The following CACNA2D1 variants were observed in gnomAD, a reference collection of about 807,000 sequenced individuals.
CACNA2D1 encodes the protein calcium voltage-gated channel auxiliary subunit alpha2delta 1.
CACNA2D1 carries 53 observed loss-of-function variants against 171.5 expected under a neutral mutation model. The ratio of observed to expected loss-of-function variants is 0.31; its 90% CI spans 0.25 to 0.39. CACNA2D1 has a LOEUF of 0.39. Ranked by LOEUF, CACNA2D1 falls within the 10% of genes least tolerant of loss-of-function variation. The pLI, the probability that CACNA2D1 is intolerant of heterozygous loss-of-function variation, is 1.00. For synonymous variants in CACNA2D1, 442 were observed against 443.1 expected (o/e 1.00, Z 0.03); for missense variants, 903 against 1,299.8 (o/e 0.69, Z 4.69).
intron 3 of CACNA2D1, among the ~76,000 whole-genome samples, chr7:82,244,529 A>G (rs1290947135): frequency 6.6e-6 from 1 of 152,152 alleles, no homozygotes; most frequent in East Asian, 1.9e-4. Flanking sequence ...TCAACTAATA[A>G]CTTCTAAGAG....
At chr7:82,162,776 A>C (rs950398271) in intron 4 of CACNA2D1, among the ~76,000 whole-genome samples, 2 of 151,872 alleles carry the variant, frequency 1.3e-5, no homozygotes, top group African/African-American at 2.4e-5. Flanking sequence ...GACAAATATT[A>C]TCTCTCCATT....
At chr7:82,401,266 T>C (rs1204358187) in intron 1 of CACNA2D1, among the ~76,000 whole-genome samples, 16 of 152,074 alleles carry the variant, frequency 1.1e-4, no homozygotes, top group African/African-American at 2.7e-4. Context: ...CGTATGTTTA[T>C]TGCAGCACTA....
At chr7:82,194,597 G>A (rs1405365786) in intron 3 of CACNA2D1, among the ~76,000 whole-genome samples, 1 of 150,978 alleles carries the variant, frequency 6.6e-6, no homozygotes, top group Non-Finnish European at 1.5e-5. Flanking sequence ...GAGAAGAGAG[G>A]GCAAACAATA....
chr7:81,966,397 A>G (rs1220491066), intron 31 of CACNA2D1, among the ~76,000 whole-genome samples: 2 of 151,606 alleles, frequency 1.3e-5, no homozygotes, highest in Non-Finnish European at 3.0e-5. Flanking sequence ...TGCTCTTAAA[A>G]CAGCTACTGC....
intron 3 of CACNA2D1, among the ~76,000 whole-genome samples, chr7:82,260,888 C>T (rs1003917433): frequency 1.3e-4 from 19 of 151,808 alleles, no homozygotes; most frequent in African/African-American, 3.9e-4. Context: ...ATATATCCAA[C>T]GGTTTAATGA....
intron 24 of CACNA2D1, among the ~76,000 whole-genome samples, chr7:81,978,340 C>A (rs958338542): frequency 1.3e-5 from 2 of 152,044 alleles, no homozygotes; most frequent in Admixed American, 1.3e-4. Context: ...AACCCAAATG[C>A]TGATCAATGA....
rs528253731 is a variant in CACNA2D1, at chr7:82,344,653, AC to A, written c.177+4914del. Among the ~76,000 whole-genome samples, 192 of 152,252 alleles carry A rather than the reference AC, an allele frequency of 1.3e-3. 2 individuals carry two copies. Among genetic ancestry groups the A allele is most frequent in the African/African-American group, 4.5e-3 (189 of 41,554 alleles). On this transcript the variant is annotated intron_variant, in intron 2 of 38. Transcript: ENST00000356860. ...AGGGGGAGGATGATGGTGAAGGGAA[AC>A]CATACTCTCTGCATTCTTTATAGTG...
At chr7:82,234,664 A>G (rs1803337533) in intron 3 of CACNA2D1, among the ~76,000 whole-genome samples, 1 of 152,172 alleles carries the variant, frequency 6.6e-6, no homozygotes, top group Non-Finnish European at 1.5e-5. Flanking sequence ...TCTTCTTTGA[A>G]TTGTTTAAGC....
chr7:82,419,397 T>C (rs1828502949), intron 1 of CACNA2D1, among the ~76,000 whole-genome samples: 1 of 152,182 alleles, frequency 6.6e-6, no homozygotes, highest in Admixed American at 6.5e-5. Flanking sequence ...AAGCATTTTA[T>C]GCACTATGCA....
At chr7:82,098,628 G>C (rs896052932) in intron 6 of CACNA2D1, among the ~76,000 whole-genome samples, 2 of 152,060 alleles carry the variant, frequency 1.3e-5, no homozygotes, top group African/African-American at 4.8e-5. Flanking sequence ...AGAGACTGAG[G>C]CTTGATGATT....
intron 3 of CACNA2D1, among the ~76,000 whole-genome samples, chr7:82,239,652 AG>A (rs1804016889): frequency 6.6e-6 from 1 of 152,228 alleles, no homozygotes; most frequent in Non-Finnish European, 1.5e-5. Flanking sequence ...CTATCATTAA[AG>A]GTAGTGGAAG....
At chr7:82,172,848 A>AT (rs59759657) in intron 3 of CACNA2D1, among the ~76,000 whole-genome samples, 22,466 of 149,520 alleles carry the variant, frequency 0.15, 2,391 homozygotes, top group African/African-American at 0.3. Flanking sequence ...CAAAAAAAAA[A>AT]TTCTGGAACT....
chr7:82,401,822 C>A (rs1826460140), intron 1 of CACNA2D1, among the ~76,000 whole-genome samples: 1 of 152,086 alleles, frequency 6.6e-6, no homozygotes, highest in Admixed American at 6.6e-5. Flanking sequence ...AAGTTTCCAT[C>A]CTAGTAAAAC....
At chr7:81,971,681 G>T in intron 26 of CACNA2D1, 96 bp downstream of exon 26, 1 of 742,112 alleles carries the variant, frequency 1.3e-6, no homozygotes, top group South Asian at 1.5e-5. Context: ...CATTATTAAT[G>T]AACTGTAAAT....
intron 1 of CACNA2D1, among the ~76,000 whole-genome samples, chr7:82,354,027 C>G (rs1820144353): frequency 6.6e-6 from 1 of 152,110 alleles, no homozygotes; most frequent in Non-Finnish European, 1.5e-5. Flanking sequence ...TTCTCCCTCC[C>G]TTCTTCGCTG....
At chr7:82,180,844 G>A (rs1797047136) in intron 3 of CACNA2D1, among the ~76,000 whole-genome samples, 1 of 151,892 alleles carries the variant, frequency 6.6e-6, no homozygotes, top group South Asian at 2.1e-4. Flanking sequence ...GAGGGACAGA[G>A]AGAAATAGAG....
At chr7:81,952,540 A>G (rs1744519705) in intron 38 of CACNA2D1, among the ~76,000 whole-genome samples, 1 of 152,162 alleles carries the variant, frequency 6.6e-6, no homozygotes, top group Admixed American at 6.6e-5. Context: ...TTGACCTTTC[A>G]GAAGCATTTG....
At chr7:82,108,743 TA>T (rs1438372144) in intron 6 of CACNA2D1, among the ~76,000 whole-genome samples, 2 of 152,174 alleles carry the variant, frequency 1.3e-5, no homozygotes, top group African/African-American at 4.8e-5. Context: ...AATGTTATTT[TA>T]AAAAGATAGT....
chr7:82,279,259 C>T lies in CACNA2D1; in HGVS notation c.294+55876G>A, dbSNP rs149002541. Among the ~76,000 whole-genome samples, 850 of 152,286 alleles carry T rather than the reference C, an allele frequency of 5.6e-3. 21 individuals are homozygous for T. The East Asian group carries it at 0.09, about 16-fold the overall frequency. ...TGGATAGAGGGTTCTTTCTGCCCCT[C>T]CTCTATTTCAGGCTGCAATGCATCC... On this transcript the variant is annotated intron_variant, in intron 3 of 38. Coordinates refer to ENST00000356860, the MANE Select transcript of CACNA2D1 (RefSeq NM_000722.4).
Sources: gnomAD v4.1 joint callset for allele counts (sites outside exome capture counted in the v4.1 genomes callset) on GRCh38, gnomAD v4.1.1 for gene constraint, MANE v1.5 for transcripts, NCBI Gene and HGNC (gene_info 2026-07-23, HGNC 2026-07-21) for gene names.